The following ANKMY2 variants were observed in gnomAD, a reference collection of about 807,000 sequenced individuals.
The protein encoded by ANKMY2 is ankyrin repeat and MYND domain containing 2.
In ANKMY2, 36 loss-of-function variants were observed where a neutral mutation model predicts 50.4. That is an observed-to-expected ratio of 0.71 (90% CI 0.55 to 0.94). The LOEUF is 0.94. ANKMY2 is among the 40% of genes least tolerant of loss of function. The pLI is 0.00. For synonymous variants in ANKMY2, 187 were observed against 178.8 expected, an observed-to-expected ratio of 1.05 and a Z score of -0.36; for missense variants, 565 against 524.0, an observed-to-expected ratio of 1.08 and a Z score of -0.76.
At chr7:16,629,658 G>T (rs1042474251) in intron 2 of ANKMY2, among the ~76,000 whole-genome samples, 4 of 152,102 alleles carry the variant, frequency 2.6e-5, no homozygotes, top group Admixed American at 2.6e-4. Flanking sequence ...AAGTGCTGTG[G>T]TAGATGGTCC....
chr7:16,606,513 G>A (rs566586552), intron 7 of ANKMY2, among the ~76,000 whole-genome samples: 14 of 151,960 alleles, frequency 9.2e-5, no homozygotes, highest in East Asian at 5.8e-4. Flanking sequence ...TAATCACAGC[G>A]TTTCTATTTT....
intron 2 of ANKMY2, among the ~76,000 whole-genome samples, chr7:16,633,384 C>T (rs1296283242): frequency 6.6e-6 from 1 of 151,666 alleles, no homozygotes; most frequent in Non-Finnish European, 1.5e-5. Context: ...GAACTGAAAG[C>T]TCAGAACACC....
At chr7:16,619,311 G>A (rs1446557396) in intron 4 of ANKMY2, among the ~76,000 whole-genome samples, 1 of 152,076 alleles carries the variant, frequency 6.6e-6, no homozygotes, top group Non-Finnish European at 1.5e-5. Flanking sequence ...CTGCCACCAC[G>A]CCCAACTAAT....
chr7:16,604,895 A>G, intron 7 of ANKMY2, 46 bp from the exon 8 acceptor site: 1 of 1,579,824 alleles, frequency 6.3e-7, no homozygotes, highest in South Asian at 1.2e-5. Context: ...TGAAATCACC[A>G]TGGAAACACT....
rs567069001 is a variant in ANKMY2, at chr7:16,605,808, A to T, written c.883-959T>A. Among the ~76,000 whole-genome samples the T allele has an allele frequency of 6.1e-5, 9 of 147,312 alleles. No individual in the cohort carries two copies. In the South Asian group the frequency reaches 1.7e-3, roughly 28 times the overall value. On this transcript the variant is annotated intron_variant, in intron 7 of 9. Transcript: ENST00000306999. Reference sequence around the variant, plus strand: ...TGCCATTCTCCTGCCTCAGCCTCCCAACTAGCTGGGACTACAGGCACCCGC... The same window carrying T: ...TGCCATTCTCCTGCCTCAGCCTCCCTACTAGCTGGGACTACAGGCACCCGC...
intron 8 of ANKMY2, among the ~76,000 whole-genome samples, chr7:16,602,930 C>G (rs1284002802): frequency 6.6e-6 from 1 of 152,214 alleles, no homozygotes; most frequent in African/African-American, 2.4e-5. Flanking sequence ...TGAGACCTCA[C>G]CAGAAGCTGA....
chr7:16,624,277 G>C (rs1258367317), intron 4 of ANKMY2, among the ~76,000 whole-genome samples: 1 of 152,104 alleles, frequency 6.6e-6, no homozygotes, highest in African/African-American at 2.4e-5. Flanking sequence ...TTTTCTCTCA[G>C]TGGACTCTCT....
At chr7:16,645,340 C>T (rs1485963849) in intron 1 of ANKMY2, among the ~76,000 whole-genome samples, 167 bp downstream of exon 1, 2 of 152,174 alleles carry the variant, frequency 1.3e-5, no homozygotes, top group Non-Finnish European at 2.9e-5. Context: ...ACCTCTCCGC[C>T]CCTGCAACCT....
At chr7:16,624,131 G>A (rs1378881849) in intron 4 of ANKMY2, among the ~76,000 whole-genome samples, 2 of 152,118 alleles carry the variant, frequency 1.3e-5, no homozygotes, top group African/African-American at 2.4e-5. Context: ...AGTATGAACA[G>A]CCTGTCTTGT....
chr7:16,636,457 T>TAAAA lies in ANKMY2; in HGVS notation c.68-6_68-3dup. On this transcript the variant is annotated splice_region_variant and splice_polypyrimidine_tract_variant and intron_variant, in intron 1 of 9. Coordinates refer to ENST00000306999, the MANE Select transcript of ANKMY2 (RefSeq NM_020319.3). ...ATGTTCCAGCTTCTTGGACAGTACC[T>TAAAA]AAAAAAAAAAAAAAGATGAAAAGTA... The TAAAA allele has an allele frequency of 1.1e-5, 15 of 1,396,806 alleles. No individual in the cohort carries two copies. The highest frequency in any genetic ancestry group is 2.0e-4 in the Middle Eastern group (1 of 4,902). The allele number at this position is 1,396,806 out of a possible 1,614,324, so 86.5% of individuals were successfully genotyped here. A position where few individuals can be genotyped will look rare whatever the true frequency, so the allele number is the denominator to read the frequency against.
Position 16,619,261 on chromosome 7 carries a change from C to T in ANKMY2, c.371-3357G>A, listed in dbSNP as rs140880908. On this transcript the variant is annotated intron_variant, in intron 4 of 9. Coordinates refer to ENST00000306999, the MANE Select transcript of ANKMY2 (RefSeq NM_020319.3). ...CTCCGCCTCCTAGGCTCAAGGGATTCTCCTGCCTCAGCCTCCCGAGTAGCT... is the reference window on the plus strand; with the variant it reads ...CTCCGCCTCCTAGGCTCAAGGGATTTTCCTGCCTCAGCCTCCCGAGTAGCT... Among the ~76,000 whole-genome samples the T allele has an allele frequency of 8.6e-3, 1,306 of 151,572 alleles. 24 individuals are homozygous for T. Among genetic ancestry groups the T allele is most frequent in the African/African-American group, 0.029 (1,217 of 41,284 alleles).
intron 9 of ANKMY2, among the ~76,000 whole-genome samples, chr7:16,602,028 G>T (rs1334975823): frequency 6.6e-6 from 1 of 152,114 alleles, no homozygotes; most frequent in African/African-American, 2.4e-5. Flanking sequence ...GCCATTAGTG[G>T]AAATTTAATT....
intron 3 of ANKMY2, among the ~76,000 whole-genome samples, chr7:16,626,392 T>A (rs938825801): frequency 1.3e-5 from 2 of 152,214 alleles, no homozygotes; most frequent in Non-Finnish European, 2.9e-5. Context: ...ATGAAAATGT[T>A]AAATTTTTAT....
rs1369096176 is a variant in ANKMY2, at chr7:16,604,938, T to C, written c.883-89A>G. ...TATCAGCCCACGGACACTGCCGTCC[T>C]ACAATGTGACACAAAAAGGAAGAAA... is the stretch of plus-strand genomic sequence containing the variant. On this transcript the variant is annotated intron_variant, in intron 7 of 9. Transcript: ENST00000306999. 14 of 1,279,386 alleles carry C rather than the reference T, an allele frequency of 1.1e-5. No individual in the cohort carries two copies. In the South Asian group the frequency reaches 2.1e-4, roughly 19 times the overall value. 79.3% of individuals were successfully genotyped at this position (1,279,386 alleles called of 1,614,324 possible).
In ANKMY2 at chr7:16,603,585, A is replaced by C. The variant is rs906530197; in HGVS notation, c.1012-1076T>G. On this transcript the variant is annotated intron_variant, in intron 8 of 9. Transcript: ENST00000306999. ...CACTGTGGTAGGCCCTTATACATATATTGTATTATTGGCCCCAATTCTTCA... is the reference window on the plus strand; with the variant it reads ...CACTGTGGTAGGCCCTTATACATATCTTGTATTATTGGCCCCAATTCTTCA... 96 of 470,962 alleles carry C rather than the reference A, an allele frequency of 2.0e-4. 1 individual carries two copies. The highest frequency in any genetic ancestry group is 3.1e-5 in the Non-Finnish European group (7 of 227,008). 29.2% of individuals were successfully genotyped at this position (470,962 alleles called of 1,614,324 possible).
Position 16,645,524 on chromosome 7 carries a change from A to G in ANKMY2, c.50T>C (p.Leu17Pro), listed in dbSNP as rs759087137. Reference protein sequence around the residue: ...GELTQEEKELLEVIGKGTVQE... With the variant: ...GELTQEEKELPEVIGKGTVQE... ...ACCCGTACCTTTCCCGATGACTTCC[A>G]GTAGCTCCTTCTCCTCCTGGGTCAG... is the stretch of plus-strand genomic sequence containing the variant. The change falls in exon 1 of 10, where the codon CTG becomes CCG. Residue 17 changes from leucine (L) to proline (P), a missense_variant. Leu to Pro is a moderately conservative substitution (Grantham distance 98). Transcript: ENST00000306999. 1.2e-6 allele frequency: 2 copies of G among 1,611,672 alleles called. No homozygotes were observed. The highest frequency in any genetic ancestry group is 1.7e-6 in the Non-Finnish European group (2 of 1,178,876).
intron 2 of ANKMY2, among the ~76,000 whole-genome samples, chr7:16,635,122 G>C (rs1781637990): frequency 6.6e-6 from 1 of 152,012 alleles, no homozygotes; most frequent in Non-Finnish European, 1.5e-5. Flanking sequence ...AACTCTAACA[G>C]CTGATGAATG....
In ANKMY2 at chr7:16,607,668, CTTT is replaced by C. The variant is rs60554872; in HGVS notation, c.882+1959_882+1961del. 2.3e-3 allele frequency among the ~76,000 whole-genome samples: 291 copies of C among 126,140 alleles called. 4 individuals carry two copies. The highest frequency in any genetic ancestry group is 7.8e-3 in the African/African-American group (253 of 32,376). 82.8% of individuals were successfully genotyped at this position (126,140 alleles called of 152,430 possible). On this transcript the variant is annotated intron_variant, in intron 7 of 9. Transcript: ENST00000306999. ...ACTTGTTGACCACAATATTGACCTGCTTTTTTTTTTTTTTTTTTTTTTTAAAGA... is the reference window on the plus strand; with the variant it reads ...ACTTGTTGACCACAATATTGACCTGCTTTTTTTTTTTTTTTTTTTTAAAGA...
chr7:16,639,509 G>T (rs950668188), intron 1 of ANKMY2, among the ~76,000 whole-genome samples: 4 of 152,118 alleles, frequency 2.6e-5, no homozygotes, highest in Admixed American at 1.3e-4. Flanking sequence ...GCCTCATTAG[G>T]GTGGAATTGA....
Sources: allele counts gnomAD v4.1 joint callset (sites outside exome capture counted in the v4.1 genomes callset), GRCh38; gene constraint gnomAD v4.1.1; transcripts MANE v1.5; gene names NCBI Gene and HGNC (gene_info 2026-07-23, HGNC 2026-07-21).